PNPLA7: variants seen among roughly 807,000 people sequenced by gnomAD.
PNPLA7 encodes patatin-like phospholipase domain-containing protein 7.
In PNPLA7, 153 loss-of-function variants were observed where a neutral mutation model predicts 161.7. The observed-to-expected ratio is 0.95, with a 90% CI of 0.83 to 1.08. The LOEUF is 1.08. PNPLA7 is among the 50% of genes least tolerant of loss of function. The pLI, the probability that PNPLA7 is intolerant of heterozygous loss-of-function variation, is 0.00. For missense variants in PNPLA7, 1,739 were observed against 1,856.6 expected, an observed-to-expected ratio of 0.94 and a Z score of 1.16; for synonymous variants, 809 against 782.1, an observed-to-expected ratio of 1.03 and a Z score of -0.57.
intron 21 of PNPLA7, among the ~76,000 whole-genome samples, chr9:137,482,176 G>A (rs1052046680): frequency 2.6e-5 from 4 of 152,182 alleles, no homozygotes; most frequent in Non-Finnish European, 5.9e-5. Flanking sequence ...TCAGCTTGGT[G>A]GTTTCTTCTA....
chr9:137,511,806 G>A (rs1021441030), intron 12 of PNPLA7, among the ~76,000 whole-genome samples: 6 of 152,142 alleles, frequency 3.9e-5, no homozygotes, highest in East Asian at 1.9e-4. Context: ...CAGAATTAGC[G>A]AAAGTATTAG....
chr9:137,512,086 T>C (rs959931233), intron 12 of PNPLA7, among the ~76,000 whole-genome samples: 4 of 152,166 alleles, frequency 2.6e-5, no homozygotes, highest in Non-Finnish European at 5.9e-5. Flanking sequence ...TTTCCTACTA[T>C]CTCTTAGTCT....
Position 137,540,857 on chromosome 9 carries a change from T to C in PNPLA7, c.667-135A>G, listed in dbSNP as rs1483821444. 4.2e-6 allele frequency: 3 copies of C among 721,742 alleles called. No individual in the cohort carries two copies. The highest frequency in any genetic ancestry group is 7.2e-6 in the Non-Finnish European group (3 of 418,408). 44.7% of individuals were successfully genotyped at this position (721,742 alleles called of 1,614,324 possible). On this transcript the variant is annotated intron_variant, in intron 7 of 34. Transcript: ENST00000406427. This position sits in a 1 kb window ranked among gnomAD's most constrained non-coding sequence, Gnocchi z 5.1. Reference sequence around the variant, plus strand: ...AGGCGCCATGAGAGCAGCAGGCACCTTGGATGGAGGGCAGGGGACAAGATG... The same window carrying C: ...AGGCGCCATGAGAGCAGCAGGCACCCTGGATGGAGGGCAGGGGACAAGATG...
intron 12 of PNPLA7, among the ~76,000 whole-genome samples, 185 bp from the exon 13 acceptor site, chr9:137,506,268 C>A (rs1833917836): frequency 6.6e-6 from 1 of 152,192 alleles, no homozygotes; most frequent in Non-Finnish European, 1.5e-5. Context: ...GCTCTGTGAC[C>A]CACCAGCTAC....
chr9:137,526,197 A>T (rs1330492105), intron 8 of PNPLA7, among the ~76,000 whole-genome samples: 1 of 152,144 alleles, frequency 6.6e-6, no homozygotes, highest in Non-Finnish European at 1.5e-5. Flanking sequence ...GCCCACAAGG[A>T]GGATGGCATA....
chr9:137,467,413 C>G lies in PNPLA7; in HGVS notation c.2943G>C (p.Met981Ile). The G allele has an allele frequency of 6.2e-7, 1 of 1,613,496 alleles. No homozygotes were observed. The highest frequency in any genetic ancestry group is 8.5e-7 in the Non-Finnish European group (1 of 1,180,006). The change falls in exon 26 of 35, where the codon ATG becomes ATC. Residue 981 changes from methionine to isoleucine, a missense_variant. Physicochemically the swap from Met to Ile is conservative, Grantham distance 10. Transcript: ENST00000406427. The surrounding 1 kb of genome is among the most constrained non-coding windows in gnomAD (Gnocchi z 5.1). Reference sequence around the variant, plus strand: ...AGGCCCCGATGGACGTGCCTCCCACCATGTCCACAGGGATGCCGCACTCCG... The same window carrying G: ...AGGCCCCGATGGACGTGCCTCCCACGATGTCCACAGGGATGCCGCACTCCG... The part of the protein sequence containing the change: ...ALAECGIPVD[M>I]VGGTSIGAFV...
chr9:137,509,194 A>C (rs1834072079), intron 12 of PNPLA7: 1 of 153,172 alleles, frequency 6.5e-6, no homozygotes, highest in Admixed American at 6.6e-5. Flanking sequence ...GAGTGAGTTT[A>C]ACTGGTATGA....
In PNPLA7 at chr9:137,540,281, AC is replaced by A. The variant is rs1400738265; in HGVS notation, c.747+360del. ...AAGAGCCCAGCAGGACCTGCAGGAA[AC>A]GGGGGTGGCTGGTCCCTCGGGAGGG... On this transcript the variant is annotated intron_variant, in intron 8 of 34. Transcript: ENST00000406427. The surrounding 1 kb of genome is among the most constrained non-coding windows in gnomAD (Gnocchi z 5.1). 6.6e-6 allele frequency among the ~76,000 whole-genome samples: 1 copy of A among 152,218 alleles called. No individual in the cohort carries two copies. Among genetic ancestry groups the A allele is most frequent in the African/African-American group, 2.4e-5 (1 of 41,464 alleles).
chr9:137,474,041 C>T (rs891904687), intron 25 of PNPLA7, among the ~76,000 whole-genome samples: 9 of 152,082 alleles, frequency 5.9e-5, no homozygotes, highest in South Asian at 2.1e-4. Context: ...GAGTTCAAGA[C>T]GAGCCTGGCC....
intron 21 of PNPLA7, among the ~76,000 whole-genome samples, chr9:137,481,610 G>A (rs1030847091): frequency 6.6e-6 from 1 of 152,174 alleles, no homozygotes; most frequent in South Asian, 2.1e-4. Flanking sequence ...TGGCAGTGCC[G>A]GGTGGGAAAG....
intron 8 of PNPLA7, among the ~76,000 whole-genome samples, chr9:137,525,849 G>A (rs974406281): frequency 6.7e-6 from 1 of 149,920 alleles, no homozygotes; most frequent in Non-Finnish European, 1.5e-5. Context: ...AGCAGTGGGT[G>A]TCTTCCCAGG....
At chr9:137,480,530 C>CT in intron 22 of PNPLA7, 50 bp from the exon 23 acceptor site, 1 of 1,552,670 alleles carries the variant, frequency 6.4e-7, no homozygotes, top group Non-Finnish European at 8.7e-7. Context: ...GCCTGGCACT[C>CT]TTAGCACATG....
At chr9:137,548,585 T>G (rs535482780) in intron 1 of PNPLA7, among the ~76,000 whole-genome samples, 1 of 152,196 alleles carries the variant, frequency 6.6e-6, no homozygotes, top group African/African-American at 2.4e-5. Context: ...CCGTCTCTAC[T>G]AAAAATTCAA....
rs750375429 is a variant in PNPLA7, at chr9:137,493,086, C to T, written c.2128-4G>A. 17 of 1,613,648 alleles carry T rather than the reference C, an allele frequency of 1.1e-5. No homozygotes were observed. Among genetic ancestry groups the T allele is most frequent in the South Asian group, 9.9e-5 (9 of 91,092 alleles). ...GATGAATCAGCCGAGTCACCACCTG[C>T]GGGCAGACACAGGAGCCAAGAGCCA... On this transcript the variant is annotated splice_polypyrimidine_tract_variant and splice_region_variant and intron_variant, in intron 19 of 34. Transcript: ENST00000406427.
chr9:137,472,561 G>T (rs969690970), intron 25 of PNPLA7, among the ~76,000 whole-genome samples: 2 of 147,612 alleles, frequency 1.4e-5, no homozygotes, highest in Admixed American at 7.0e-5. Flanking sequence ...TGAGGCAGGA[G>T]AATCACTTGA....
In PNPLA7 at chr9:137,545,731, G is replaced by A. The variant is rs144303539; in HGVS notation, c.273+1099C>T. 4.5e-4 allele frequency among the ~76,000 whole-genome samples: 68 copies of A among 152,326 alleles called. 2 individuals carry two copies. The East Asian group carries it at 0.013, about 28-fold the overall frequency. On this transcript the variant is annotated intron_variant, in intron 4 of 34. Transcript: ENST00000406427. ...AAAACCAGGCCATACAGAGATAGGA[G>A]CTGAGGGGACATAGTGAGGAGTGAC...
chr9:137,464,080 C>A, intron 28 of PNPLA7, 46 bp downstream of exon 28: 1 of 1,593,704 alleles, frequency 6.3e-7, no homozygotes, highest in South Asian at 1.1e-5. Flanking sequence ...TCCCCCTGCC[C>A]ACACCTCGCA....
At chr9:137,492,274 C>T (rs912359218) in intron 20 of PNPLA7, 44 of 985,078 alleles carry the variant, frequency 4.5e-5, no homozygotes, top group Middle Eastern at 5.2e-4. Flanking sequence ...GAGCACTCTC[C>T]GCTCCACCAA....
chr9:137,501,891 G>A (rs949750816), intron 14 of PNPLA7, among the ~76,000 whole-genome samples, 164 bp from the exon 15 acceptor site: 4 of 152,218 alleles, frequency 2.6e-5, no homozygotes, highest in Admixed American at 2.6e-4. Flanking sequence ...ATGGACACTG[G>A]GCACCCTGCA....
Sources: allele counts gnomAD v4.1 joint callset (sites outside exome capture counted in the v4.1 genomes callset), GRCh38; gene constraint gnomAD v4.1.1; non-coding constraint Gnocchi (gnomAD v3.1); transcripts MANE v1.5; gene names NCBI Gene and HGNC (gene_info 2026-07-23, HGNC 2026-07-21).